Variants in ARHGAP22 observed in about 807,000 individuals in gnomAD.
ARHGAP22 encodes rho GTPase-activating protein 22.
ARHGAP22 carries 48 observed loss-of-function variants against 59.1 expected under a neutral mutation model. The observed-to-expected ratio is 0.81, with a 90% confidence interval of 0.64 to 1.03. The LOEUF (loss-of-function observed/expected upper bound fraction) is 1.03. ARHGAP22 is among the 50% of genes least tolerant of loss of function. The probability of loss-of-function intolerance (pLI) is 0.00; values close to 1 mark genes in which losing one functional copy is unlikely to be tolerated. For missense variants in ARHGAP22, 1,015 were observed against 958.7 expected, an observed-to-expected ratio of 1.06 and a Z score of -0.78; for synonymous variants, 445 against 416.4, an observed-to-expected ratio of 1.07 and a Z score of -0.84.
At chr10:48,478,700 G>A (rs987361914) in intron 4 of ARHGAP22, among the ~76,000 whole-genome samples, 6 of 152,156 alleles carry the variant, frequency 3.9e-5, no homozygotes, top group South Asian at 2.1e-4. Context: ...TATGGACACC[G>A]ACCTAGAGAT....
chr10:48,599,708 C>A (rs890407179), intron 1 of ARHGAP22, among the ~76,000 whole-genome samples: 2 of 152,218 alleles, frequency 1.3e-5, no homozygotes, highest in African/African-American at 2.4e-5. Flanking sequence ...CTCTGTGGCC[C>A]ATCAGTTCCC....
At chr10:48,493,347 C>A in intron 3 of ARHGAP22, 1 of 1,341,200 alleles carries the variant, frequency 7.5e-7, no homozygotes. Flanking sequence ...TTGCGGCCAC[C>A]AAACACCACT....
intron 2 of ARHGAP22, among the ~76,000 whole-genome samples, chr10:48,577,435 C>T (rs12570277): frequency 0.49 from 74,831 of 151,952 alleles, 19,351 homozygotes; most frequent in East Asian, 0.97. Flanking sequence ...TGGGTGGCGT[C>T]GGAGGATGGG....
At position 48,490,240 on chromosome 10, in the gene ARHGAP22, T is replaced by C. The variant is rs1027271732; in HGVS notation, c.323-10476A>G. ...TGGCAGCTGGCAAGCACTGTCTAAGTGTTCCCTTTTATTATCATATTTAAG... is the reference window on the plus strand; with the variant it reads ...TGGCAGCTGGCAAGCACTGTCTAAGCGTTCCCTTTTATTATCATATTTAAG... On this transcript the variant is annotated intron_variant, in intron 3 of 9. Transcript: ENST00000249601. 2.6e-5 allele frequency among the ~76,000 whole-genome samples: 4 copies of C among 152,264 alleles called. 1 individual carries two copies. In the South Asian group the frequency reaches 8.3e-4, roughly 32 times the overall value.
chr10:48,457,399 G>A (rs565446002), intron 5 of ARHGAP22, among the ~76,000 whole-genome samples: 1 of 152,270 alleles, frequency 6.6e-6, no homozygotes, highest in East Asian at 1.9e-4. Context: ...CTACCACTAG[G>A]CCCGGGACTG....
At chr10:48,548,816 A>G (rs1313708426) in intron 3 of ARHGAP22, among the ~76,000 whole-genome samples, 1 of 152,200 alleles carries the variant, frequency 6.6e-6, no homozygotes, top group Non-Finnish European at 1.5e-5. Context: ...GGTGGGCAGG[A>G]CCTGGGGGTC....
intron 1 of ARHGAP22, among the ~76,000 whole-genome samples, chr10:48,595,127 A>G (rs2059990869): frequency 6.6e-6 from 1 of 152,196 alleles, no homozygotes; most frequent in African/African-American, 2.4e-5. Flanking sequence ...GATGTTTCCT[A>G]TCTGCAGCTC....
At chr10:48,469,700 C>G (rs1393596867) in intron 4 of ARHGAP22, among the ~76,000 whole-genome samples, 1 of 152,236 alleles carries the variant, frequency 6.6e-6, no homozygotes, top group Non-Finnish European at 1.5e-5. Context: ...CTCTGAGTCT[C>G]TGCTGCCTCC....
chr10:48,434,274 G>A, the ARHGAP22 span, among the ~76,000 whole-genome samples: 2 of 152,192 alleles, frequency 1.3e-5, no homozygotes, highest in South Asian at 2.1e-4. Flanking sequence ...GAGTGACAGT[G>A]GCATGTCCCA....
At chr10:48,654,122 G>T (rs545873053), upstream of ARHGAP22, among the ~76,000 whole-genome samples, 47 of 152,306 alleles carry the variant, frequency 3.1e-4, no homozygotes, top group South Asian at 9.7e-3. Context: ...GGCTCCTTGA[G>T]CAGGAAAGCC....
chr10:48,477,829 T>G (rs1387556996), intron 4 of ARHGAP22, among the ~76,000 whole-genome samples: 2 of 152,254 alleles, frequency 1.3e-5, no homozygotes, highest in Non-Finnish European at 2.9e-5. Context: ...CTGCCTTGTC[T>G]GTTTTTGCCT....
chr10:48,537,377 G>A (rs1229264276), intron 3 of ARHGAP22, among the ~76,000 whole-genome samples: 2 of 152,182 alleles, frequency 1.3e-5, no homozygotes, highest in East Asian at 3.9e-4. Context: ...TACATGTGAT[G>A]AGGATAAGTG....
chr10:48,521,328 G>C (rs2053790615), intron 3 of ARHGAP22, among the ~76,000 whole-genome samples: 1 of 152,214 alleles, frequency 6.6e-6, no homozygotes, highest in African/African-American at 2.4e-5. Flanking sequence ...AGAGCAAGGG[G>C]CTCCTGGATA....
downstream of ARHGAP22, among the ~76,000 whole-genome samples, chr10:48,441,594 G>C (rs574509883): frequency 7.1e-4 from 108 of 152,114 alleles, no homozygotes; most frequent in African/African-American, 2.4e-3. Flanking sequence ...TGGGACTACA[G>C]GTGCCCGCCA....
chr10:48,571,116 A>AT lies in ARHGAP22; in HGVS notation c.234+11836dup, dbSNP rs372586415. ...GGAGTTGAGAGGGCTCTTGGAGATC[A>AT]TTTCTGGCCAACTTGCTACCCAGTG... is the stretch of plus-strand genomic sequence containing the variant. On this transcript the variant is annotated intron_variant, in intron 2 of 9. Coordinates refer to ENST00000249601, the MANE Select transcript of ARHGAP22 (RefSeq NM_021226.4). Among the ~76,000 whole-genome samples, 38 of 152,254 alleles carry AT rather than the reference A, an allele frequency of 2.5e-4. 1 individual carries two copies. In the East Asian group the frequency reaches 7.1e-3, roughly 29 times the overall value.
the ARHGAP22 span, among the ~76,000 whole-genome samples, chr10:48,432,869 C>T: frequency 6.6e-5 from 10 of 152,188 alleles, no homozygotes; most frequent in Admixed American, 2.0e-4. Context: ...CTTGCAAAGA[C>T]GAGTATTAGC....
At chr10:48,464,036 A>G (rs923131795) in intron 4 of ARHGAP22, among the ~76,000 whole-genome samples, 1 of 152,032 alleles carries the variant, frequency 6.6e-6, no homozygotes, top group Non-Finnish European at 1.5e-5. Flanking sequence ...CTGCTGTCCC[A>G]TCTCCTACCC....
intron 3 of ARHGAP22, among the ~76,000 whole-genome samples, chr10:48,532,127 T>C (rs1263404625): frequency 6.6e-6 from 1 of 152,212 alleles, no homozygotes; most frequent in African/African-American, 2.4e-5. Context: ...AAGGGTGATA[T>C]GTCATCAGAT....
intron 1 of ARHGAP22, among the ~76,000 whole-genome samples, chr10:48,616,335 G>C (rs558469989): frequency 1.4e-4 from 21 of 152,146 alleles, no homozygotes; most frequent in African/African-American, 4.3e-4. Context: ...TTATTGTGAT[G>C]GTCTGGAATT....
Sources: allele counts gnomAD v4.1 joint callset (sites outside exome capture counted in the v4.1 genomes callset), GRCh38; gene constraint gnomAD v4.1.1; transcripts MANE v1.5; gene names NCBI Gene and HGNC (gene_info 2026-07-23, HGNC 2026-07-21).